MTO1: variants seen among roughly 807,000 people sequenced by gnomAD.
MTO1 encodes the protein 5-taurinomethyluridine-[tRNA] synthase subunit MTO1, mitochondrial.
In MTO1, 46 loss-of-function variants were observed where a neutral mutation model predicts 71.6. That is an observed-to-expected ratio of 0.64 (90% confidence interval 0.51 to 0.82). The LOEUF (loss-of-function observed/expected upper bound fraction) is 0.82. Among genes scored for constraint, MTO1 ranks in the 40% least tolerant of loss-of-function variants. The pLI is 0.00. For synonymous variants in MTO1, 297 were observed against 312.1 expected, an observed-to-expected ratio of 0.95 and a Z score of 0.51; for missense variants, 773 against 867.5, an observed-to-expected ratio of 0.89 and a Z score of 1.37.
At chr6:73,471,534 C>A in intron 3 of MTO1, 1 of 430,752 alleles carries the variant, frequency 2.3e-6, no homozygotes, top group Admixed American at 2.6e-5. Context: ...CCTGCCTCAG[C>A]CTCCTGTGTA....
At position 73,497,864 on chromosome 6, in the gene MTO1, C is replaced by A; in HGVS notation, c.1885C>A (p.Arg629=). ...IRDVSLSHEV[R]EKLHFSRPQT... ...GGATGTGTCTTTGTCCCATGAAGTT[C>A]GAGAGAAACTACATTTTAGTCGTCC... is the stretch of plus-strand genomic sequence containing the variant. Residue 629 remains arginine, a synonymous_variant, in exon 11 of 12, where the codon CGA becomes AGA. Coordinates refer to ENST00000498286, the MANE Select transcript of MTO1 (RefSeq NM_012123.4). 3.1e-6 allele frequency: 5 copies of A among 1,612,038 alleles called. No homozygotes were observed. The highest frequency in any genetic ancestry group is 4.2e-6 in the Non-Finnish European group (5 of 1,178,596).
rs1582704564 is a variant in MTO1 at position 73,500,972 on chromosome 6, A to G, written c.*237A>G. On this transcript the variant is annotated 3_prime_UTR_variant, in exon 12 of 12. Transcript: ENST00000498286. ...AGCTGTAATACAAATAACTTTGTGC[A>G]GTGTTCATCAAAGAGAGAGACAGTG... The G allele has an allele frequency of 9.6e-6, 3 of 311,198 alleles. No individual in the cohort carries two copies. Among genetic ancestry groups the G allele is most frequent in the African/African-American group, 4.3e-5 (2 of 46,898 alleles). The allele number at this position is 311,198 out of a possible 1,614,324, so 19.3% of individuals were successfully genotyped here.
chr6:73,482,736 T>A (rs1049417184), intron 9 of MTO1, 116 bp downstream of exon 9: 1 of 808,438 alleles, frequency 1.2e-6, no homozygotes, highest in Non-Finnish European at 1.8e-6. Flanking sequence ...TGAATGTAGC[T>A]TGTTTTTGGC....
At chr6:73,484,483 T>C (rs115639419) in intron 9 of MTO1, among the ~76,000 whole-genome samples, 1,661 of 152,228 alleles carry the variant, frequency 0.011, 23 homozygotes, top group African/African-American at 0.035. Context: ...ATCCCACTTA[T>C]AAGCGCCAGA....
intron 1 of MTO1, 147 bp downstream of exon 1, chr6:73,462,218 G>C (rs915883955): frequency 1.2e-6 from 1 of 854,282 alleles, no homozygotes; most frequent in Admixed American, 2.4e-5. Context: ...TCAGTGTCTC[G>C]CAAGGATCAG....
At chr6:73,469,242 T>TAGGA (rs1448028610) in intron 3 of MTO1, among the ~76,000 whole-genome samples, 1 of 152,098 alleles carries the variant, frequency 6.6e-6, no homozygotes, top group Non-Finnish European at 1.5e-5. Flanking sequence ...GGTCTTGAAC[T>TAGGA]CCTAGGCTCA....
Position 73,480,056 on chromosome 6 carries a change from A to G in MTO1, c.1059A>G (p.Leu353=), listed in dbSNP as rs201656868. ...ACCCACAGGGGTTATCTATGACGCT[A>G]CCAGCTGAGTTACAAGAGAAAATGA... ...LIYPQGLSMT[L]PAELQEKMIT... The change falls in exon 6 of 12, where the codon CTA becomes CTG. Residue 353 remains leucine (L), a synonymous_variant. Transcript: ENST00000498286. 5.1e-4 allele frequency: 831 copies of G among 1,614,120 alleles called. 12 individuals carry two copies. The South Asian group carries it at 8.7e-3, about 17-fold the overall frequency.
At chr6:73,496,103 A>G (rs1771971248) in intron 10 of MTO1, among the ~76,000 whole-genome samples, 1 of 152,160 alleles carries the variant, frequency 6.6e-6, no homozygotes, top group Non-Finnish European at 1.5e-5. Context: ...CTAGAAAAAG[A>G]AGCTAAGTCC....
At position 73,480,059 on chromosome 6, in the gene MTO1, AG is replaced by A; in HGVS notation, c.1063del (p.Ala355LeufsTer7). ...YPQGLSMTLP[A>X]ELQEKMITCI... ...CACAGGGGTTATCTATGACGCTACC[AG>A]CTGAGTTACAAGAGAAAATGATCAC... On this transcript the variant is annotated frameshift_variant, in exon 6 of 12. Coordinates refer to ENST00000498286, the MANE Select transcript of MTO1 (RefSeq NM_012123.4). LOFTEE classifies it high-confidence loss of function. 6.2e-7 allele frequency: 1 copy of A among 1,614,230 alleles called. No homozygotes were observed. The highest frequency in any genetic ancestry group is 8.5e-7 in the Non-Finnish European group (1 of 1,180,040).
At chr6:73,464,073 G>C (rs908031668) in intron 1 of MTO1, 3 of 152,096 alleles carry the variant, frequency 2.0e-5, no homozygotes, top group African/African-American at 7.2e-5. Flanking sequence ...TAAAGACCTA[G>C]TGCTTGCTTT....
chr6:73,480,469 C>T (rs1162148797), intron 6 of MTO1: 10 of 604,716 alleles, frequency 1.7e-5, no homozygotes, highest in Non-Finnish European at 2.9e-6. Flanking sequence ...AGGGTTTCTC[C>T]CTGTTGGTCA....
chr6:73,498,967 T>C (rs904480492), intron 11 of MTO1, among the ~76,000 whole-genome samples: 2 of 152,132 alleles, frequency 1.3e-5, no homozygotes, highest in Non-Finnish European at 2.9e-5. Flanking sequence ...GACCTCATGA[T>C]CTGCCCGCCT....
chr6:73,482,716 A>G, intron 9 of MTO1, 96 bp downstream of exon 9: 1 of 992,416 alleles, frequency 1.0e-6, no homozygotes, highest in Admixed American at 2.9e-5. Flanking sequence ...TCCTACCTAC[A>G]CATTTCAAAT....
intron 10 of MTO1, among the ~76,000 whole-genome samples, chr6:73,493,673 G>T (rs1771894058): frequency 6.6e-6 from 1 of 151,748 alleles, no homozygotes; most frequent in Non-Finnish European, 1.5e-5. Flanking sequence ...TTACAGGTGT[G>T]AGCCACTGCA....
intron 9 of MTO1, among the ~76,000 whole-genome samples, chr6:73,483,981 G>C (rs1771586973): frequency 6.6e-6 from 1 of 151,924 alleles, no homozygotes; most frequent in East Asian, 1.9e-4. Context: ...GTTTCACCAT[G>C]TTGGCCAGGC....
In MTO1 at chr6:73,507,533, T is replaced by C. The variant is rs953940780; in HGVS notation, c.*6798T>C. The C allele has an allele frequency of 6.6e-6, 1 of 152,364 alleles. No individual in the cohort carries two copies. Among genetic ancestry groups the C allele is most frequent in the Middle Eastern group, 3.4e-3 (1 of 294 alleles). The allele number at this position is 152,364 out of a possible 1,614,324, so 9.4% of individuals were successfully genotyped here. On this transcript the variant is annotated 3_prime_UTR_variant, in exon 12 of 12. Transcript: ENST00000498286. ...TTCCTATGCTCCAATTTTATAGATA[T>C]AACTTAGCCTTGCGAGGTGATGTAA...
chr6:73,462,745 A>G (rs2150025050), intron 1 of MTO1, among the ~76,000 whole-genome samples: 1 of 152,296 alleles, frequency 6.6e-6, no homozygotes, highest in South Asian at 2.1e-4. Context: ...TGATAATATT[A>G]ATAAAATAAA....
At chr6:73,474,675 T>A (rs1771258298) in intron 4 of MTO1, among the ~76,000 whole-genome samples, 1 of 152,082 alleles carries the variant, frequency 6.6e-6, no homozygotes, top group African/African-American at 2.4e-5. Flanking sequence ...TTTGAACTCC[T>A]GACCTTAGGT....
chr6:73,480,180 C>T (rs1771447279), intron 6 of MTO1, 54 bp downstream of exon 6: 12 of 1,542,484 alleles, frequency 7.8e-6, no homozygotes, highest in Middle Eastern at 1.7e-4. Context: ...TTTTAATGGT[C>T]AGTGAGGAGG....
Sources: gnomAD v4.1 joint callset for allele counts (sites outside exome capture counted in the v4.1 genomes callset) on GRCh38, gnomAD v4.1.1 for gene constraint, MANE v1.5 for transcripts, NCBI Gene and HGNC (gene_info 2026-07-23, HGNC 2026-07-21) for gene names.